The following LRAT variants were observed in gnomAD, a reference collection of about 807,000 sequenced individuals.
LRAT encodes lecithin retinol acyltransferase (phosphatidylcholine--retinol O-acyltransferase).
In LRAT, 11 loss-of-function variants were observed where a neutral mutation model predicts 14.2. The observed-to-expected ratio is 0.78, with a 90% confidence interval of 0.49 to 1.29. The LOEUF (loss-of-function observed/expected upper bound fraction) is 1.29. LRAT is among the 50% of genes most tolerant of loss of function. The pLI is 0.00. For synonymous variants in LRAT, 144 were observed against 124.8 expected (o/e 1.15, Z -1.03); for missense variants, 274 against 292.4 (o/e 0.94, Z 0.46).
intron 2 of LRAT, among the ~76,000 whole-genome samples, 196 bp from the exon 3 acceptor site, chr4:154,748,788 G>A (rs532727046): frequency 3.2e-4 from 48 of 152,124 alleles, no homozygotes; most frequent in African/African-American, 1.1e-3. Context: ...GTTGCCTAAG[G>A]GATCATTTCT....
intron 2 of LRAT, among the ~76,000 whole-genome samples, chr4:154,746,201 C>A (rs1377924008): frequency 6.6e-6 from 1 of 152,130 alleles, no homozygotes; most frequent in Non-Finnish European, 1.5e-5. Flanking sequence ...ATAATGGAAA[C>A]CTGGGCAATA....
chr4:154,744,410 C>A lies in LRAT; in HGVS notation c.84C>A (p.Gly28=). The change falls in exon 2 of 3, where the codon GGC becomes GGA. Residue 28 remains glycine (G), a synonymous_variant. Transcript: ENST00000336356. Reference sequence around the variant, plus strand: ...CCAACTTCACGCTCTTTAGTTCGGGCGCCGCGGGCGAAGACAAAGGGAGGA... The same window carrying A: ...CCAACTTCACGCTCTTTAGTTCGGGAGCCGCGGGCGAAGACAAAGGGAGGA... The part of the protein sequence containing the change: ...LISNFTLFSS[G]AAGEDKGRNS... The A allele has an allele frequency of 1.2e-6, 2 of 1,614,122 alleles. No individual in the cohort carries two copies. Among genetic ancestry groups the A allele is most frequent in the Non-Finnish European group, 1.7e-6 (2 of 1,180,022 alleles).
chr4:154,748,328 T>C (rs1732922675), intron 2 of LRAT: 2 of 981,756 alleles, frequency 2.0e-6, no homozygotes, highest in African/African-American at 1.7e-5. Context: ...CCATCATTTC[T>C]AAGTAAAATT....
Position 154,750,585 on chromosome 4 carries a change from T to C in LRAT, c.*1449T>C, listed in dbSNP as rs1732970790. 1 of 152,144 alleles carries C rather than the reference T, an allele frequency of 6.6e-6. No individual in the cohort carries two copies. Among genetic ancestry groups the C allele is most frequent in the African/African-American group, 2.4e-5 (1 of 41,440 alleles). 9.4% of individuals were successfully genotyped at this position (152,144 alleles called of 1,614,324 possible). The stretch of plus-strand genomic sequence containing the variant: ...TTAAGAGCAGATTTTAGATTAATAA[T>C]GTTTTATCACCACTAATTTGCCCAC... On this transcript the variant is annotated 3_prime_UTR_variant, in exon 3 of 3. Coordinates refer to ENST00000336356, the MANE Select transcript of LRAT (RefSeq NM_004744.5).
chr4:154,743,256 A>T (rs1039836508), upstream of LRAT, among the ~76,000 whole-genome samples: 2 of 151,890 alleles, frequency 1.3e-5, no homozygotes, highest in Admixed American at 6.6e-5. Context: ...GAGGTCCAGA[A>T]GGGCGGATCA....
At chr4:154,747,492 T>G (rs976382541) in intron 2 of LRAT, among the ~76,000 whole-genome samples, 1 of 152,114 alleles carries the variant, frequency 6.6e-6, no homozygotes, top group Admixed American at 6.5e-5. Flanking sequence ...TATTGACCCC[T>G]TCTAGAAATT....
At chr4:154,748,001 G>A (rs1732916703) in intron 2 of LRAT, among the ~76,000 whole-genome samples, 1 of 152,116 alleles carries the variant, frequency 6.6e-6, no homozygotes, top group Non-Finnish European at 1.5e-5. Context: ...GTAAGCCACT[G>A]TAGAAAACCC....
intron 2 of LRAT, chr4:154,748,496 C>A: frequency 1.8e-6 from 1 of 546,218 alleles, no homozygotes; most frequent in Non-Finnish European, 2.3e-6. Flanking sequence ...TAAAATTAGA[C>A]TTTCTATGCC....
intron 2 of LRAT, chr4:154,745,460 C>A (rs1461543385): frequency 2.6e-5 from 4 of 156,286 alleles, no homozygotes; most frequent in Admixed American, 6.2e-5. Context: ...AATGCAGGAC[C>A]GCTTCCAGAG....
At chr4:154,747,514 A>G (rs1403136864) in intron 2 of LRAT, among the ~76,000 whole-genome samples, 1 of 152,150 alleles carries the variant, frequency 6.6e-6, no homozygotes, top group Non-Finnish European at 1.5e-5. Context: ...CCTACTGTTG[A>G]GCACCACTAA....
At chr4:154,741,499 A>G (rs1297659535), upstream of LRAT, among the ~76,000 whole-genome samples, 1 of 152,192 alleles carries the variant, frequency 6.6e-6, no homozygotes, top group African/African-American at 2.4e-5. Context: ...AGGCAAAAAT[A>G]TCCTTCAAGA....
chr4:154,742,060 G>T (rs986812155), upstream of LRAT, among the ~76,000 whole-genome samples: 1 of 152,030 alleles, frequency 6.6e-6, no homozygotes, highest in African/African-American at 2.4e-5. Context: ...TGTGAGGTCG[G>T]GTCTGCATTG....
At chr4:154,745,982 A>G (rs1732878552) in intron 2 of LRAT, among the ~76,000 whole-genome samples, 1 of 152,232 alleles carries the variant, frequency 6.6e-6, no homozygotes, top group Non-Finnish European at 1.5e-5. Flanking sequence ...AAACATTGGA[A>G]GGTAATTTTT....
At position 154,749,245 on chromosome 4, in the gene LRAT, G is replaced by T. The variant is rs896122455; in HGVS notation, c.*109G>T. 5.0e-5 allele frequency: 61 copies of T among 1,229,324 alleles called. No individual in the cohort carries two copies. The highest frequency in any genetic ancestry group is 6.8e-5 in the Non-Finnish European group (57 of 838,636). The allele number at this position is 1,229,324 out of a possible 1,614,324, so 76.2% of individuals were successfully genotyped here. On this transcript the variant is annotated 3_prime_UTR_variant, in exon 3 of 3. Coordinates refer to ENST00000336356, the MANE Select transcript of LRAT (RefSeq NM_004744.5). ...AGAAAAATGTGACCCGTAACACTGTGTTCTGGATAAAAATGTGATTAGGAA... is the reference window on the plus strand; with the variant it reads ...AGAAAAATGTGACCCGTAACACTGTTTTCTGGATAAAAATGTGATTAGGAA...
At chr4:154,748,844 A>AT (rs1158846145) in intron 2 of LRAT, 140 bp from the exon 3 acceptor site, 184 of 786,840 alleles carry the variant, frequency 2.3e-4, no homozygotes, top group Non-Finnish European at 3.4e-4. Context: ...AACATTGTAA[A>AT]TTTTTTTGTA....
At chr4:154,747,236 T>C (rs1732900157) in intron 2 of LRAT, among the ~76,000 whole-genome samples, 2 of 152,180 alleles carry the variant, frequency 1.3e-5, no homozygotes, top group African/African-American at 4.8e-5. Flanking sequence ...ATTTACTCCT[T>C]TGTGGTAACA....
upstream of LRAT, among the ~76,000 whole-genome samples, chr4:154,742,902 G>A (rs1425270061): frequency 1.3e-5 from 2 of 152,210 alleles, no homozygotes; most frequent in Non-Finnish European, 2.9e-5. Context: ...GGCGGACAAA[G>A]TTTCGGTGGG....
In LRAT at chr4:154,744,089, T is replaced by A; in HGVS notation, c.-135T>A. 5.2e-6 allele frequency: 3 copies of A among 572,410 alleles called. No individual in the cohort carries two copies. In the South Asian group the frequency reaches 6.0e-5, roughly 11 times the overall value. The allele number at this position is 572,410 out of a possible 1,614,324, so 35.5% of individuals were successfully genotyped here. A position where few individuals can be genotyped will look rare whatever the true frequency, so the allele number is the denominator to read the frequency against. On this transcript the variant is annotated 5_prime_UTR_variant, in exon 1 of 3. Coordinates refer to ENST00000336356, the MANE Select transcript of LRAT (RefSeq NM_004744.5). ...AGCACTGGTCTCACTGTCCCCGCCGTCAGCCACCGGTTCCTTATCCGTCTC... is the reference window on the plus strand; with the variant it reads ...AGCACTGGTCTCACTGTCCCCGCCGACAGCCACCGGTTCCTTATCCGTCTC...
At chr4:154,748,843 A>C (rs1388088669) in intron 2 of LRAT, 141 bp from the exon 3 acceptor site, 3 of 783,666 alleles carry the variant, frequency 3.8e-6, no homozygotes, top group Non-Finnish European at 6.3e-6. Flanking sequence ...TAACATTGTA[A>C]ATTTTTTTGT....
Sources: allele counts gnomAD v4.1 joint callset (sites outside exome capture counted in the v4.1 genomes callset), GRCh38; gene constraint gnomAD v4.1.1; transcripts MANE v1.5; gene names NCBI Gene and HGNC (gene_info 2026-07-23, HGNC 2026-07-21).